Variants in SLC16A8 observed in about 807,000 individuals in gnomAD.
SLC16A8 encodes the protein monocarboxylate transporter 3.
Under a neutral mutation model 22.4 loss-of-function variants are expected in SLC16A8, and 20 were observed. The observed-to-expected ratio is 0.89, with a 90% CI of 0.63 to 1.30. The LOEUF (loss-of-function observed/expected upper bound fraction) is 1.30, where lower values mean the gene tolerates loss of function less well. SLC16A8 is among the 50% of genes most tolerant of loss of function. SLC16A8 has a pLI of 0.00. For missense variants in SLC16A8, 817 were observed against 740.3 expected (o/e 1.10, Z -1.20); for synonymous variants, 393 against 358.8 (o/e 1.10, Z -1.08).
At chr22:38,080,665 C>G (rs1364750014) in intron 5 of SLC16A8, among the ~76,000 whole-genome samples, 175 bp downstream of exon 5, 1 of 152,238 alleles carries the variant, frequency 6.6e-6, no homozygotes, top group Non-Finnish European at 1.5e-5. Flanking sequence ...TTTCTGTCCT[C>G]ACCCAGAGCG....
chr22:38,082,044 G>T lies in SLC16A8; in HGVS notation c.215-12C>A, dbSNP rs918040164. 1.3e-6 allele frequency: 2 copies of T among 1,570,640 alleles called. No individual in the cohort carries two copies. Among genetic ancestry groups the T allele is most frequent in the Non-Finnish European group, 1.7e-6 (2 of 1,158,296 alleles). On this transcript the variant is annotated splice_polypyrimidine_tract_variant and intron_variant, in intron 3 of 5. Transcript: ENST00000681075. ...GCTGGACACGGGGCCTGTGGGCAGG[G>T]CAGGGTCACCACCCGGGTCCCGGGA...
chr22:38,082,006 G>T lies in SLC16A8; in HGVS notation c.241C>A (p.Arg81Ser). 6.3e-7 allele frequency: 1 copy of T among 1,578,760 alleles called. No homozygotes were observed. Among genetic ancestry groups the T allele is most frequent in the Non-Finnish European group, 8.6e-7 (1 of 1,162,804 alleles). ...AGCATCACCGGGCGACAGCCAAAGC[G>T]GGTCACGAGGATGCTGGACACGGGG... Reference protein sequence around the residue: ...TGPVSSILVTRFGCRPVMLAG... With the variant: ...TGPVSSILVTSFGCRPVMLAG... The change falls in exon 4 of 6, where the codon CGC becomes AGC. Residue 81 changes from arginine (R) to serine (S), a missense_variant. Transcript: ENST00000681075.
chr22:38,082,069 A>T, intron 3 of SLC16A8, 37 bp from the exon 4 acceptor site: 1 of 1,546,998 alleles, frequency 6.5e-7, no homozygotes, highest in African/African-American at 1.4e-5. Flanking sequence ...GGGTCCCGGG[A>T]TGGCTTGAGT....
At position 38,081,666 on chromosome 22, in the gene SLC16A8, G is replaced by A. The variant is rs547544700; in HGVS notation, c.372C>T (p.Ala124=). 84 of 1,523,936 alleles carry A rather than the reference G, an allele frequency of 5.5e-5. No individual in the cohort carries two copies. The South Asian group carries it at 1.0e-3, about 18-fold the overall frequency. The allele number at this position is 1,523,936 out of a possible 1,614,324, so 94.4% of individuals were successfully genotyped here. A position where few individuals can be genotyped will look rare whatever the true frequency, so the allele number is the denominator to read the frequency against. The part of the protein sequence containing the change: ...TAGVLTGLGL[A]LNFQPSLIML... ...TGATGAGCGACGGCTGGAAGTTGAGGGCCAGGCCCAGGCCTGCGGGCGAGG... is the reference window on the plus strand; with the variant it reads ...TGATGAGCGACGGCTGGAAGTTGAGAGCCAGGCCCAGGCCTGCGGGCGAGG... The change falls in exon 5 of 6, where the codon GCC becomes GCT. Residue 124 remains alanine, a synonymous_variant. Transcript: ENST00000681075.
Sources: allele counts gnomAD v4.1 joint callset (sites outside exome capture counted in the v4.1 genomes callset), GRCh38; gene constraint gnomAD v4.1.1; transcripts MANE v1.5; gene names NCBI Gene and HGNC (gene_info 2026-07-23, HGNC 2026-07-21).